TRPM7: variants seen among roughly 807,000 people sequenced by gnomAD.
TRPM7 encodes the protein LTRPC ion channel family member 7.
In TRPM7, 134 loss-of-function variants were observed where a neutral mutation model predicts 229.7. The ratio of observed to expected loss-of-function variants is 0.58; its 90% CI spans 0.51 to 0.67. The LOEUF (loss-of-function observed/expected upper bound fraction) is 0.67. Among genes scored for constraint, TRPM7 ranks in the 30% least tolerant of loss-of-function variants. The pLI is 0.00. For synonymous variants in TRPM7, 699 were observed against 715.2 expected, an observed-to-expected ratio of 0.98 and a Z score of 0.36; for missense variants, 1,901 against 2,210.0, an observed-to-expected ratio of 0.86 and a Z score of 2.80.
intron 38 of TRPM7, among the ~76,000 whole-genome samples, chr15:50,563,242 C>T (rs1189416605): frequency 6.6e-6 from 1 of 152,030 alleles, no homozygotes; most frequent in African/African-American, 2.4e-5. Flanking sequence ...CTGGGACAGA[C>T]CACATGGTCT....
chr15:50,634,358 A>G, intron 8 of TRPM7, 24 bp downstream of exon 8: 2 of 1,443,922 alleles, frequency 1.4e-6, no homozygotes, highest in Non-Finnish European at 1.8e-6. Flanking sequence ...AATAAAATTA[A>G]TTAAAATGTT....
rs548899501 is a variant in TRPM7 at position 50,685,122 on chromosome 15, A to G, written c.3+1409T>C. ...TGGTTGAAGCTGTTGAAACTGGCCA[A>G]TGGGTATATGGTAGTTCATTCTACA... is the stretch of plus-strand genomic sequence containing the variant. On this transcript the variant is annotated intron_variant, in intron 1 of 38. Coordinates refer to ENST00000646667, the MANE Select transcript of TRPM7 (RefSeq NM_017672.6). Among the ~76,000 whole-genome samples the G allele has an allele frequency of 1.2e-3, 186 of 152,332 alleles. 4 individuals carry two copies. In the South Asian group the frequency reaches 0.037, roughly 30 times the overall value.
Position 50,648,684 on chromosome 15 carries a change from T to TA in TRPM7, c.321+2dup. 1 of 1,586,982 alleles carries TA rather than the reference T, an allele frequency of 6.3e-7. No homozygotes were observed. Among genetic ancestry groups the TA allele is most frequent in the Non-Finnish European group, 8.6e-7 (1 of 1,167,102 alleles). On this transcript the variant is annotated splice_region_variant and intron_variant, in intron 4 of 38. Transcript: ENST00000646667. Reference sequence around the variant, plus strand: ...ATGAAGAAAAATCCAATATGTGACATACCTTAGCTCTGTAGGAATGAGAAC... The same window carrying TA: ...ATGAAGAAAAATCCAATATGTGACATAACCTTAGCTCTGTAGGAATGAGAAC...
chr15:50,625,716 A>G (rs1431563796), intron 11 of TRPM7, among the ~76,000 whole-genome samples: 1 of 152,188 alleles, frequency 6.6e-6, no homozygotes, highest in Non-Finnish European at 1.5e-5. Context: ...TTAAGTATAT[A>G]CTGATGAAAT....
intron 3 of TRPM7, among the ~76,000 whole-genome samples, chr15:50,650,826 G>T (rs1004941254): frequency 6.6e-6 from 1 of 152,188 alleles, no homozygotes; most frequent in African/African-American, 2.4e-5. Context: ...TCTAAAACTC[G>T]CTAGTGGAAT....
In TRPM7 at chr15:50,612,766, C is replaced by T. The variant is rs372907607; in HGVS notation, c.1834G>A (p.Asp612Asn). The part of the protein sequence containing the change: ...RTKDEIVDID[D>N]PETKRFPYPL... The stretch of plus-strand genomic sequence containing the variant: ...TAAGGAAAGCGCTTGGTTTCTGGAT[C>T]ATCAATGTCTACAATTTCATCTTTG... The change falls in exon 16 of 39, where the codon GAT (aspartate) becomes AAT (asparagine). Residue 612 changes from aspartate to asparagine, a missense_variant. By Grantham distance (23) the Asp-to-Asn change is conservative (BLOSUM62 1). This residue lies in a region of TRPM7 where 794 missense variants were observed against 881.9 expected (regional missense o/e 0.90). Coordinates refer to ENST00000646667, the MANE Select transcript of TRPM7 (RefSeq NM_017672.6). 3 of 1,613,972 alleles carry T rather than the reference C, an allele frequency of 1.9e-6. No individual in the cohort carries two copies. In the African/African-American group the frequency reaches 4.0e-5, roughly 22 times the overall value.
At chr15:50,679,510 T>A (rs1351090131) in intron 1 of TRPM7, among the ~76,000 whole-genome samples, 2 of 109,002 alleles carry the variant, frequency 1.8e-5, no homozygotes, top group African/African-American at 9.5e-5. Context: ...TGTATATATA[T>A]AATATATATA....
At chr15:50,654,217 G>A (rs1343851743) in intron 3 of TRPM7, among the ~76,000 whole-genome samples, 1 of 151,694 alleles carries the variant, frequency 6.6e-6, no homozygotes, top group South Asian at 2.1e-4. Flanking sequence ...AGGCCAAGGC[G>A]GGCGGATCAC....
At chr15:50,644,958 G>GT (rs1050971460) in intron 4 of TRPM7, among the ~76,000 whole-genome samples, 13 of 149,274 alleles carry the variant, frequency 8.7e-5, no homozygotes, top group African/African-American at 3.2e-4. Context: ...CTGGAGTGCA[G>GT]TGGCGCCACC....
At chr15:50,585,291 G>A (rs2054642828) in intron 28 of TRPM7, among the ~76,000 whole-genome samples, 1 of 152,146 alleles carries the variant, frequency 6.6e-6, no homozygotes, top group Admixed American at 6.5e-5. Flanking sequence ...TTGAACTCCT[G>A]ACCTCAGGTG....
At chr15:50,647,800 G>A (rs184485130) in intron 4 of TRPM7, among the ~76,000 whole-genome samples, 1 of 152,006 alleles carries the variant, frequency 6.6e-6, no homozygotes. Context: ...TGGGATCCAC[G>A]TTTATGGTTT....
intron 30 of TRPM7, among the ~76,000 whole-genome samples, chr15:50,579,581 T>TA (rs1000180877): frequency 2.0e-5 from 3 of 152,200 alleles, no homozygotes; most frequent in African/African-American, 7.2e-5. Flanking sequence ...GTTCTGTTGT[T>TA]AGACACCGGA....
intron 14 of TRPM7, 88 bp downstream of exon 14, chr15:50,614,032 CCTT>C (rs2140491728): frequency 1.4e-6 from 2 of 1,386,274 alleles, no homozygotes; most frequent in Admixed American, 4.5e-5. Flanking sequence ...GACAGTGTAA[CCTT>C]CTCCGTTCTA....
intron 1 of TRPM7, among the ~76,000 whole-genome samples, chr15:50,678,432 G>C (rs1442048855): frequency 6.7e-6 from 1 of 149,120 alleles, no homozygotes; most frequent in East Asian, 2.0e-4. Flanking sequence ...GGCACTCTCT[G>C]ACTTCCCCTA....
At chr15:50,651,844 G>A (rs1052201049) in intron 3 of TRPM7, among the ~76,000 whole-genome samples, 13 of 151,924 alleles carry the variant, frequency 8.6e-5, no homozygotes, top group African/African-American at 2.4e-4. Context: ...CTGAGATCGC[G>A]CCACTGCACA....
At chr15:50,663,093 A>G (rs754029055) in intron 1 of TRPM7, 47 bp from the exon 2 acceptor site, 2 of 1,409,804 alleles carry the variant, frequency 1.4e-6, no homozygotes, top group Non-Finnish European at 2.0e-6. Flanking sequence ...AACCCACTAA[A>G]TAAGAAGGAA....
intron 36 of TRPM7, among the ~76,000 whole-genome samples, chr15:50,571,476 T>A (rs1566937864): frequency 1.3e-5 from 2 of 152,174 alleles, no homozygotes; most frequent in East Asian, 3.9e-4. Context: ...AACACAGATG[T>A]AAATCATGCT....
chr15:50,657,686 G>GT, intron 3 of TRPM7, 95 bp downstream of exon 3: 3 of 1,102,406 alleles, frequency 2.7e-6, no homozygotes, highest in Non-Finnish European at 4.0e-6. Flanking sequence ...ATAATAGCAT[G>GT]TGAGTTTCAT....
In TRPM7 at chr15:50,650,713, C is replaced by A. The variant is rs535869638; in HGVS notation, c.123-1828G>T. Among the ~76,000 whole-genome samples, 292 of 147,402 alleles carry A rather than the reference C, an allele frequency of 2.0e-3. 1 individual carries two copies. Among genetic ancestry groups the A allele is most frequent in the African/African-American group, 6.7e-3 (265 of 39,702 alleles). On this transcript the variant is annotated intron_variant, in intron 3 of 38. Transcript: ENST00000646667. ...GGGTCTCAAAAAAAACAAAAAAAAA[C>A]AAAAAAATCAGACCTAGACAGCCCA...
Sources: gnomAD v4.1 joint callset for allele counts (sites outside exome capture counted in the v4.1 genomes callset) on GRCh38, gnomAD v4.1.1 for gene constraint, gnomAD v4.1.1 regional missense constraint, MANE v1.5 for transcripts, NCBI Gene and HGNC (gene_info 2026-07-23, HGNC 2026-07-21) for gene names.